Variants in ZNF14 observed in about 807,000 individuals in gnomAD.
ZNF14 encodes zinc finger protein 14.
In ZNF14, 9 loss-of-function variants were observed where a neutral mutation model predicts 11.3. That is an observed-to-expected ratio of 0.80 (90% CI 0.48 to 1.39). The LOEUF (loss-of-function observed/expected upper bound fraction) is 1.39. ZNF14 is among the 40% of genes most tolerant of loss of function. The pLI is 0.00. For missense variants in ZNF14, 711 were observed against 763.9 expected (o/e 0.93, Z 0.82); for synonymous variants, 239 against 245.7 (o/e 0.97, Z 0.25).
At chr19:19,718,590 A>C (rs573778802) in intron 1 of ZNF14, among the ~76,000 whole-genome samples, 22 of 152,304 alleles carry the variant, frequency 1.4e-4, no homozygotes, top group African/African-American at 5.1e-4. Flanking sequence ...ATAATTTCCC[A>C]AAATTAATGT....
rs551965211 is a variant in ZNF14, at chr19:19,727,296, T to G, written c.3+5660A>C. Among the ~76,000 whole-genome samples, 13 of 134,176 alleles carry G rather than the reference T, an allele frequency of 9.7e-5. 2 individuals are homozygous for G. The highest frequency in any genetic ancestry group is 1.8e-4 in the Non-Finnish European group (11 of 60,330). The allele number at this position is 134,176 out of a possible 152,430, so 88.0% of individuals were successfully genotyped here. A position where few individuals can be genotyped will look rare whatever the true frequency, so the allele number is the denominator to read the frequency against. On this transcript the variant is annotated intron_variant, in intron 1 of 3. Transcript: ENST00000344099. ...CAATAATTAATATAAAACATAGGAT[T>G]GACACAAATAGACTAAAATAGTTAA...
At position 19,712,924 on chromosome 19, in the gene ZNF14, A is replaced by G. The variant is rs752368549; in HGVS notation, c.357T>C (p.Asn119=). 1.9e-6 allele frequency: 3 copies of G among 1,614,114 alleles called. No homozygotes were observed. The East Asian group carries it at 6.7e-5, about 36-fold the overall frequency. Residue 119 remains asparagine, a synonymous_variant, in exon 4 of 4, where the codon AAT becomes AAC. Transcript: ENST00000344099. ...GTCCAGTGTGAGATCTCATGTGCCT[A>G]TTAAGGGACGAATGATGAATGAAGT... is the stretch of plus-strand genomic sequence containing the variant. ...GRDFIHHSSL[N]RHMRSHTGQK...
chr19:19,725,485 C>T lies in ZNF14; in HGVS notation c.3+7471G>A, dbSNP rs1294297283. On this transcript the variant is annotated intron_variant, in intron 1 of 3. Coordinates refer to ENST00000344099, the MANE Select transcript of ZNF14 (RefSeq NM_021030.3). ...GGGCTTCCCTCTGTGGGGAACAAGACCTTTCTCTCTGGCTGCCCTTAACAT... is the reference window on the plus strand; with the variant it reads ...GGGCTTCCCTCTGTGGGGAACAAGATCTTTCTCTCTGGCTGCCCTTAACAT... Among the ~76,000 whole-genome samples, 13 of 134,018 alleles carry T rather than the reference C, an allele frequency of 9.7e-5. 2 individuals carry two copies. Among genetic ancestry groups the T allele is most frequent in the African/African-American group, 3.3e-4 (12 of 36,228 alleles). 87.9% of individuals were successfully genotyped at this position (134,018 alleles called of 152,430 possible). A position where few individuals can be genotyped will look rare whatever the true frequency, so the allele number is the denominator to read the frequency against.
At position 19,712,584 on chromosome 19, in the gene ZNF14, T is replaced by C. The variant is rs1422916259; in HGVS notation, c.697A>G (p.Ile233Val). Residue 233 changes from isoleucine (I) to valine (V), a missense_variant, in exon 4 of 4, where the codon ATA becomes GTA. By Grantham distance (29) the Ile-to-Val change is conservative. Coordinates refer to ENST00000344099, the MANE Select transcript of ZNF14 (RefSeq NM_021030.3). ...YECKQCGKAFICYQSFQRHKR... is the reference protein window; with the variant it reads ...YECKQCGKAFVCYQSFQRHKR... ...TGTCTTTGAAAAGATTGGTAACATA[T>C]AAAGGCTTTCCCACACTGTTTACAT... 3.1e-6 allele frequency: 5 copies of C among 1,613,084 alleles called. No individual in the cohort carries two copies. The highest frequency in any genetic ancestry group is 1.1e-5 in the South Asian group (1 of 90,830).
In ZNF14 at chr19:19,712,323, C is replaced by G; in HGVS notation, c.958G>C (p.Ala320Pro). 1 of 1,613,196 alleles carries G rather than the reference C, an allele frequency of 6.2e-7. No individual in the cohort carries two copies. Among genetic ancestry groups the G allele is most frequent in the Non-Finnish European group, 8.5e-7 (1 of 1,179,780 alleles). ...KECGKAFFYS[A>P]SFRAHVIIHT... ...ATTATTACATGTGCTCGAAAGCTTGCAGAATAAAAGAAGGCTTTTCCACAT... is the reference window on the plus strand; with the variant it reads ...ATTATTACATGTGCTCGAAAGCTTGGAGAATAAAAGAAGGCTTTTCCACAT... The change falls in exon 4 of 4, where the codon GCA becomes CCA. Residue 320 changes from alanine to proline, a missense_variant. Physicochemically the swap from Ala to Pro is conservative, Grantham distance 27 (BLOSUM62 -1). Transcript: ENST00000344099.
intron 1 of ZNF14, among the ~76,000 whole-genome samples, chr19:19,728,533 A>AC (rs1165231685): frequency 1.5e-5 from 2 of 129,550 alleles, no homozygotes; most frequent in Admixed American, 1.5e-4. Context: ...AAAAAAAAAA[A>AC]AAACATATAC....
rs201226556 is a variant in ZNF14, at chr19:19,711,725, C to T, written c.1556G>A (p.Arg519Gln). 205 of 1,613,878 alleles carry T rather than the reference C, an allele frequency of 1.3e-4. No individual in the cohort carries two copies. The highest frequency in any genetic ancestry group is 3.7e-5 in the Non-Finnish European group (44 of 1,180,014). Residue 519 changes from arginine to glutamine, a missense_variant, in exon 4 of 4, where the codon CGA becomes CAA. Physicochemically the swap from Arg to Gln is conservative, Grantham distance 43. Transcript: ENST00000344099. ...TCCAGTGTGAATTTTTTCATGTTCT[C>T]GAAGGGAACTTGAAAAACTGAAGGT... ...GKTFSFSSSLREHEKIHTGNK... is the reference protein window; with the variant it reads ...GKTFSFSSSLQEHEKIHTGNK...
At chr19:19,732,506 G>A (rs1248056451) in intron 1 of ZNF14, among the ~76,000 whole-genome samples, 1 of 152,222 alleles carries the variant, frequency 6.6e-6, no homozygotes, top group African/African-American at 2.4e-5. Context: ...GAGGGCAGGG[G>A]CGTTTGAACA....
Position 19,720,485 on chromosome 19 carries a change from C to T in ZNF14, c.4-5998G>A, listed in dbSNP as rs557914220. Among the ~76,000 whole-genome samples the T allele has an allele frequency of 4.6e-5, 7 of 151,870 alleles. No individual in the cohort carries two copies. Among genetic ancestry groups the T allele is most frequent in the African/African-American group, 1.5e-4 (6 of 41,310 alleles). On this transcript the variant is annotated intron_variant, in intron 1 of 3. Transcript: ENST00000344099. The surrounding 1 kb of genome is among the most constrained non-coding windows in gnomAD (Gnocchi z 4.1). ...CTTTCCGAGTAACTTAAATAACAGGCGCCTGCCACCATGCCTGGCTAATTT... is the reference window on the plus strand; with the variant it reads ...CTTTCCGAGTAACTTAAATAACAGGTGCCTGCCACCATGCCTGGCTAATTT...
chr19:19,725,650 T>C (rs2062404480), intron 1 of ZNF14, among the ~76,000 whole-genome samples: 1 of 134,724 alleles, frequency 7.4e-6, no homozygotes, highest in Non-Finnish European at 1.7e-5. Context: ...GAAGTTCTCC[T>C]GGATAATATC....
intron 1 of ZNF14, among the ~76,000 whole-genome samples, chr19:19,716,524 A>G (rs887486868): frequency 1.3e-5 from 2 of 152,048 alleles, no homozygotes; most frequent in African/African-American, 2.4e-5. Context: ...CCTGGGCTCA[A>G]GCGATCTGCC....
rs1307196555 is a variant in ZNF14 at position 19,720,249 on chromosome 19, C to T, written c.4-5762G>A. On this transcript the variant is annotated intron_variant, in intron 1 of 3. Transcript: ENST00000344099. This position sits in a 1 kb window ranked among gnomAD's most constrained non-coding sequence, Gnocchi z 4.1. ...AACTGGACTGAACGGAAAATCAAAA[C>T]ACTTAGACCAGCAATAGCAGGATAT... Among the ~76,000 whole-genome samples, 1 of 152,170 alleles carries T rather than the reference C, an allele frequency of 6.6e-6. No homozygotes were observed. Among genetic ancestry groups the T allele is most frequent in the Non-Finnish European group, 1.5e-5 (1 of 68,032 alleles).
intron 1 of ZNF14, among the ~76,000 whole-genome samples, chr19:19,723,368 A>C (rs1015565600): frequency 6.6e-6 from 1 of 152,132 alleles, no homozygotes; most frequent in Non-Finnish European, 1.5e-5. Flanking sequence ...GGTTCTGTTT[A>C]TATGATGGAT....
intron 1 of ZNF14, among the ~76,000 whole-genome samples, chr19:19,714,774 C>T (rs1316161102): frequency 3.0e-5 from 4 of 133,536 alleles, no homozygotes; most frequent in African/African-American, 8.5e-5. Flanking sequence ...TTCAGTGGTG[C>T]GATCTTGGCT....
chr19:19,717,563 G>A (rs1010228664), intron 1 of ZNF14, among the ~76,000 whole-genome samples: 5 of 152,156 alleles, frequency 3.3e-5, no homozygotes, highest in African/African-American at 9.7e-5. Flanking sequence ...GGTCTTTCTG[G>A]TCACCAATCC....
chr19:19,719,024 C>T (rs1045762433), intron 1 of ZNF14, among the ~76,000 whole-genome samples: 1 of 152,136 alleles, frequency 6.6e-6, no homozygotes, highest in Non-Finnish European at 1.5e-5. Context: ...CCTCGACCTC[C>T]CAAAGGGCTG....
At chr19:19,714,239 T>C in intron 2 of ZNF14, 88 bp from the exon 3 acceptor site, 1 of 1,581,112 alleles carries the variant, frequency 6.3e-7, no homozygotes, top group Admixed American at 1.8e-5. Flanking sequence ...GCTGTGACTG[T>C]CTGATTCAAT....
At chr19:19,714,053 C>T (rs761172811) in intron 3 of ZNF14, 38 bp downstream of exon 3, 13 of 1,580,280 alleles carry the variant, frequency 8.2e-6, no homozygotes, top group Non-Finnish European at 1.0e-5. Flanking sequence ...TTTTGAAATT[C>T]CCCCACGGGC....
At chr19:19,730,171 G>A (rs1304638820) in intron 1 of ZNF14, among the ~76,000 whole-genome samples, 1 of 151,982 alleles carries the variant, frequency 6.6e-6, no homozygotes, top group Admixed American at 6.6e-5. Context: ...TTACAGGTGT[G>A]TGCCACCAGG....
Sources: gnomAD v4.1 joint callset for allele counts (sites outside exome capture counted in the v4.1 genomes callset) on GRCh38, gnomAD v4.1.1 for gene constraint, Gnocchi (gnomAD v3.1) non-coding constraint, MANE v1.5 for transcripts, NCBI Gene and HGNC (gene_info 2026-07-23, HGNC 2026-07-21) for gene names.